The following DLC1 variants were observed in gnomAD, a reference collection of about 807,000 sequenced individuals.
The protein encoded by DLC1 is DLC1 Rho GTPase activating protein, also known as rho GTPase-activating protein 7.
Under a neutral mutation model 140.3 loss-of-function variants are expected in DLC1, and 54 were observed. The observed-to-expected ratio is 0.38, with a 90% confidence interval of 0.31 to 0.48. The LOEUF (loss-of-function observed/expected upper bound fraction) is 0.48, where lower values mean the gene tolerates loss of function less well. DLC1 is among the 20% of genes least tolerant of loss of function. The pLI, the probability that DLC1 is intolerant of heterozygous loss-of-function variation, is 0.96. For missense variants in DLC1, 2,536 were observed against 1,907.0 expected (o/e 1.33, Z -6.14); for synonymous variants, 986 against 728.1 (o/e 1.35, Z -5.70).
intron 1 of DLC1, among the ~76,000 whole-genome samples, chr8:13,525,390 T>C (rs1585242153): frequency 6.6e-6 from 1 of 152,192 alleles, no homozygotes; most frequent in African/African-American, 2.4e-5. Context: ...TTGGTAGCCA[T>C]ATTTTTACCT....
chr8:13,232,341 C>CTT (rs377455430), intron 5 of DLC1, among the ~76,000 whole-genome samples: 2 of 148,984 alleles, frequency 1.3e-5, no homozygotes, highest in African/African-American at 4.9e-5. Context: ...CTGCTACAGT[C>CTT]TTTTTTTTTT....
chr8:13,595,536 G>C (rs1420855865), intron 1 of DLC1, among the ~76,000 whole-genome samples: 1 of 151,964 alleles, frequency 6.6e-6, no homozygotes, highest in East Asian at 1.9e-4. Flanking sequence ...CCAGATAAAT[G>C]TTAAAATTTA....
intron 4 of DLC1, among the ~76,000 whole-genome samples, chr8:13,376,750 C>T (rs1302987849): frequency 6.6e-6 from 1 of 152,182 alleles, no homozygotes; most frequent in Non-Finnish European, 1.5e-5. Flanking sequence ...TTCCTGCTTT[C>T]ACCCACAGAG....
intron 1 of DLC1, among the ~76,000 whole-genome samples, chr8:13,570,536 A>G (rs1804616343): frequency 7.1e-6 from 1 of 140,090 alleles, no homozygotes; most frequent in African/African-American, 2.7e-5. Flanking sequence ...ATGAGTGAGA[A>G]TATGCGGTGT....
chr8:13,197,728 T>C (rs1234410131), intron 5 of DLC1, among the ~76,000 whole-genome samples: 3 of 152,002 alleles, frequency 2.0e-5, no homozygotes, highest in African/African-American at 7.2e-5. Flanking sequence ...ATGGACTTTA[T>C]GGGGGTAAAC....
chr8:13,411,283 A>G (rs1837768153), intron 2 of DLC1, among the ~76,000 whole-genome samples: 1 of 152,208 alleles, frequency 6.6e-6, no homozygotes, highest in Non-Finnish European at 1.5e-5. Flanking sequence ...ATTTAAATGC[A>G]TATTACTAAG....
At chr8:13,474,544 C>T (rs769424986) in intron 2 of DLC1, among the ~76,000 whole-genome samples, 4 of 152,186 alleles carry the variant, frequency 2.6e-5, no homozygotes, top group African/African-American at 7.2e-5. Flanking sequence ...CCACCCACAA[C>T]TTGCATCGTG....
intron 3 of DLC1, among the ~76,000 whole-genome samples, chr8:13,397,718 C>G (rs1837111443): frequency 6.6e-6 from 1 of 151,862 alleles, no homozygotes; most frequent in African/African-American, 2.4e-5. Flanking sequence ...CGCTTGTATT[C>G]TCAGCAACTC....
upstream of DLC1, among the ~76,000 whole-genome samples, chr8:13,518,487 A>G (rs182053198): frequency 5.6e-4 from 86 of 152,292 alleles, no homozygotes; most frequent in Admixed American, 1.6e-3. Flanking sequence ...TCATTTCCCA[A>G]TCATTTTCAG....
intron 10 of DLC1, among the ~76,000 whole-genome samples, chr8:13,096,248 C>G (rs1818490423): frequency 6.6e-6 from 1 of 152,178 alleles, no homozygotes; most frequent in South Asian, 2.1e-4. Context: ...GTATTATGGA[C>G]TTTCAGATTC....
intron 4 of DLC1, among the ~76,000 whole-genome samples, chr8:13,349,620 T>C (rs111348909): frequency 5.9e-5 from 9 of 152,316 alleles, no homozygotes; most frequent in African/African-American, 2.2e-4. Context: ...CAGTGACTTA[T>C]CTTTACATAG....
chr8:13,136,695 T>C lies in DLC1; in HGVS notation c.1349-21038A>G, dbSNP rs1229187503. Among the ~76,000 whole-genome samples the C allele has an allele frequency of 3.3e-5, 5 of 152,254 alleles. No individual in the cohort carries two copies. In the South Asian group the frequency reaches 8.3e-4, roughly 25 times the overall value. On this transcript the variant is annotated intron_variant, in intron 5 of 17. Coordinates refer to ENST00000276297, the MANE Select transcript of DLC1 (RefSeq NM_182643.3). ...CACTACAGGTGCGTGCCACCACATCTGGCTAATTTTTGTATTTTTTGTAGA... is the reference window on the plus strand; with the variant it reads ...CACTACAGGTGCGTGCCACCACATCCGGCTAATTTTTGTATTTTTTGTAGA...
At chr8:13,335,339 T>G (rs1012527310) in intron 4 of DLC1, among the ~76,000 whole-genome samples, 1 of 152,162 alleles carries the variant, frequency 6.6e-6, no homozygotes, top group Non-Finnish European at 1.5e-5. Context: ...AAACTACTTT[T>G]TTAAATTTTA....
At chr8:13,478,337 A>G (rs1800533527) in intron 2 of DLC1, among the ~76,000 whole-genome samples, 1 of 152,176 alleles carries the variant, frequency 6.6e-6, no homozygotes, top group Non-Finnish European at 1.5e-5. Context: ...CCAAGGCATC[A>G]CCAAGCCTGA....
chr8:13,312,389 T>G (rs368754369), intron 4 of DLC1, among the ~76,000 whole-genome samples: 1 of 56,208 alleles, frequency 1.8e-5, no homozygotes, highest in East Asian at 5.3e-4. Flanking sequence ...AAAAAAAAAA[T>G]AATTTCTTTA....
intron 5 of DLC1, among the ~76,000 whole-genome samples, chr8:13,142,084 C>G (rs894077011): frequency 6.6e-6 from 1 of 152,210 alleles, no homozygotes; most frequent in Non-Finnish European, 1.5e-5. Context: ...TTTTCCCACA[C>G]TCATACATAC....
chr8:13,185,048 T>C (rs141295949), intron 5 of DLC1, among the ~76,000 whole-genome samples: 2,445 of 152,058 alleles, frequency 0.016, 72 homozygotes, highest in African/African-American at 0.055. Context: ...TTTACCATTG[T>C]GTAATGGCCT....
intron 1 of DLC1, among the ~76,000 whole-genome samples, chr8:13,602,331 A>G (rs972082811): frequency 5.3e-5 from 8 of 151,850 alleles, no homozygotes; most frequent in Non-Finnish European, 1.2e-4. Flanking sequence ...TGATTTAAAT[A>G]AATACCAAAA....
chr8:13,292,595 T>G (rs368917065), intron 5 of DLC1, among the ~76,000 whole-genome samples: 1 of 152,092 alleles, frequency 6.6e-6, no homozygotes, highest in Admixed American at 6.6e-5. Context: ...ATCATTGCAG[T>G]TGGGGTGCAG....
Sources: allele counts gnomAD v4.1 joint callset (sites outside exome capture counted in the v4.1 genomes callset), GRCh38; gene constraint gnomAD v4.1.1; transcripts MANE v1.5; gene names NCBI Gene and HGNC (gene_info 2026-07-23, HGNC 2026-07-21).